PPP2R3B: variants seen among roughly 807,000 people sequenced by gnomAD.
PPP2R3B encodes serine/threonine-protein phosphatase 2A regulatory subunit B'' subunit beta.
PPP2R3B carries 68 observed loss-of-function variants against 72.9 expected under a neutral mutation model. The observed-to-expected ratio is 0.93, with a 90% confidence interval of 0.77 to 1.14. PPP2R3B has a LOEUF of 1.14. PPP2R3B is among the 50% of genes most tolerant of loss of function. The pLI, the probability that PPP2R3B is intolerant of heterozygous loss-of-function variation, is 0.00. For missense variants in PPP2R3B, 1,018 were observed against 842.0 expected (o/e 1.21, Z -2.59); for synonymous variants, 466 against 375.8 (o/e 1.24, Z -2.78).
intron 2 of PPP2R3B, among the ~76,000 whole-genome samples, chrX:355,968 C>T (rs1256176147): frequency 6.6e-6 from 1 of 152,162 alleles, no homozygotes; most frequent in Non-Finnish European, 1.5e-5. Flanking sequence ...TCCACACGCA[C>T]CATGCATCCC....
At chrX:353,892 CGGGGGCTCACCCAAAGACT>C (rs1163733390) in intron 2 of PPP2R3B, among the ~76,000 whole-genome samples, 18 of 109,282 alleles carry the variant, frequency 1.6e-4, no homozygotes, top group African/African-American at 6.3e-4. Flanking sequence ...ACCCAAAGAC[CGGGGGCTCACCCAAAGACT>C]GGGGCTCGCC....
At chrX:363,072 G>A (rs1476548787) in intron 1 of PPP2R3B, among the ~76,000 whole-genome samples, 3 of 152,188 alleles carry the variant, frequency 2.0e-5, no homozygotes, top group African/African-American at 7.2e-5. Context: ...AACAGAGGCC[G>A]CCTCCGTGAC....
chrX:336,488 G>A (rs180690192), intron 12 of PPP2R3B: 5,574 of 152,242 alleles, frequency 0.037, 129 homozygotes, highest in Non-Finnish European at 0.053. Context: ...CTCACTCAAG[G>A]CTGGCCGTGG....
intron 1 of PPP2R3B, among the ~76,000 whole-genome samples, chrX:383,385 G>A (rs1482819633): frequency 2.6e-5 from 4 of 152,050 alleles, no homozygotes; most frequent in Non-Finnish European, 4.4e-5. Flanking sequence ...TTTTCAAATG[G>A]TATAAACAAG....
intron 1 of PPP2R3B, among the ~76,000 whole-genome samples, chrX:383,837 CA>C (rs757960788): frequency 0.02 from 898 of 45,504 alleles, no homozygotes; most frequent in Non-Finnish European, 0.022. Flanking sequence ...GACTCCGTCT[CA>C]AAAAAAAAAA....
chrX:374,848 T>C (rs1308803649), intron 1 of PPP2R3B, among the ~76,000 whole-genome samples: 4 of 152,162 alleles, frequency 2.6e-5, no homozygotes, highest in Non-Finnish European at 4.4e-5. Context: ...GATCTACCAC[T>C]GTGGGGTCAC....
rs1482250911 is a variant in PPP2R3B, at chrX:340,789, C to A, written c.1327G>T (p.Asp443Tyr). The stretch of plus-strand genomic sequence containing the variant: ...CCTTCAGTCCTCGGCTTGACCAGGT[C>A]CAGCATCTGGCAGAGGCAGTCCTGG... ...PFQDCLCQML[D>Y]LVKPRTEGKI... is the part of the protein sequence containing the mutation. The change falls in exon 10 of 13, where the codon GAC becomes TAC. Residue 443 changes from aspartate to tyrosine, a missense_variant. By Grantham distance (160) the Asp-to-Tyr change is radical. Transcript: ENST00000390665. 9.3e-6 allele frequency: 15 copies of A among 1,611,462 alleles called. No individual in the cohort carries two copies. The highest frequency in any genetic ancestry group is 1.2e-5 in the Non-Finnish European group (14 of 1,179,468).
chrX:386,470 CG>C lies in PPP2R3B; in HGVS notation c.221del (p.Pro74ArgfsTer35). 2.3e-6 allele frequency: 3 copies of C among 1,288,860 alleles called. No individual in the cohort carries two copies. The highest frequency in any genetic ancestry group is 3.1e-5 in the South Asian group (1 of 31,920). 79.8% of individuals were successfully genotyped at this position (1,288,860 alleles called of 1,614,324 possible). On this transcript the variant is annotated frameshift_variant, in exon 1 of 13. Coordinates refer to ENST00000390665, the MANE Select transcript of PPP2R3B (RefSeq NM_013239.5). LOFTEE classifies it high-confidence loss of function. ...GCGCAGGGCCCGGCCCGGGGGTTCC[CG>C]GGGGTTCGAGCCCGCTGGGCCGGGG... is the stretch of plus-strand genomic sequence containing the variant. ...AAPRPSGLEPPGTPGPGPALP... is the reference protein window; with the variant it reads ...AAPRPSGLEPXGTPGPGPALP...
intron 1 of PPP2R3B, among the ~76,000 whole-genome samples, chrX:374,224 TC>T (rs924831839): frequency 1.0e-4 from 15 of 147,030 alleles, no homozygotes; most frequent in East Asian, 2.0e-4. Flanking sequence ...AGAAGTGAGG[TC>T]CCCCCCCTCC....
rs761660451 is a variant in PPP2R3B at position 341,654 on chromosome X, C to T, written c.1085+229G>A. 7.8e-5 allele frequency: 51 copies of T among 650,496 alleles called. No homozygotes were observed. In the African/African-American group the frequency reaches 8.4e-4, roughly 11 times the overall value. The allele number at this position is 650,496 out of a possible 1,614,324, so 40.3% of individuals were successfully genotyped here. A position where few individuals can be genotyped will look rare whatever the true frequency, so the allele number is the denominator to read the frequency against. On this transcript the variant is annotated intron_variant, in intron 8 of 12. Coordinates refer to ENST00000390665, the MANE Select transcript of PPP2R3B (RefSeq NM_013239.5). Reference sequence around the variant, plus strand: ...AGGCCCAGCGCCCGACAAGAACCCCCGACCTGGGGCCTGGGCCACCCCCTT... The same window carrying T: ...AGGCCCAGCGCCCGACAAGAACCCCTGACCTGGGGCCTGGGCCACCCCCTT...
chrX:342,066 C>T lies in PPP2R3B; in HGVS notation c.1037-135G>A, dbSNP rs531180606. ...CCTGGGTCTGGGAGAGCCCCGGGGCCCCGATGCCCCTGCACGGCCCATCCT... is the reference window on the plus strand; with the variant it reads ...CCTGGGTCTGGGAGAGCCCCGGGGCTCCGATGCCCCTGCACGGCCCATCCT... On this transcript the variant is annotated intron_variant, in intron 7 of 12. Coordinates refer to ENST00000390665, the MANE Select transcript of PPP2R3B (RefSeq NM_013239.5). The T allele has an allele frequency of 8.1e-4, 822 of 1,015,938 alleles. 10 individuals are homozygous for T. The South Asian group carries it at 0.01, about 13-fold the overall frequency. The allele number at this position is 1,015,938 out of a possible 1,614,324, so 62.9% of individuals were successfully genotyped here.
intron 10 of PPP2R3B, among the ~76,000 whole-genome samples, chrX:340,292 G>A (rs1358524618): frequency 6.7e-6 from 1 of 149,850 alleles, no homozygotes; most frequent in Admixed American, 6.6e-5. Context: ...CGTCCCCGGT[G>A]AGCTCCGGCC....
chrX:357,569 G>C (rs2071462256), intron 2 of PPP2R3B, among the ~76,000 whole-genome samples: 1 of 152,192 alleles, frequency 6.6e-6, no homozygotes. Flanking sequence ...AAGTGTCTAT[G>C]TATGATGCAG....
intron 1 of PPP2R3B, among the ~76,000 whole-genome samples, chrX:361,992 C>G (rs1220840017): frequency 1.1e-4 from 16 of 152,318 alleles, no homozygotes; most frequent in South Asian, 2.1e-4. Context: ...CCACGCACCC[C>G]AGACGCCTGA....
chrX:342,253 G>GT (rs2071096971), intron 7 of PPP2R3B: 3 of 522,530 alleles, frequency 5.7e-6, no homozygotes, highest in African/African-American at 3.8e-5. Flanking sequence ...GTGTGATCAC[G>GT]GAAACAAACA....
chrX:345,712 C>G, intron 6 of PPP2R3B, 40 bp from the exon 7 acceptor site: 1 of 1,344,080 alleles, frequency 7.4e-7, no homozygotes, highest in South Asian at 1.2e-5. Flanking sequence ...GGGGCCTCTG[C>G]GGGGATGCCC....
intron 1 of PPP2R3B, among the ~76,000 whole-genome samples, chrX:374,594 C>T (rs1324394539): frequency 6.6e-6 from 1 of 152,204 alleles, no homozygotes; most frequent in Non-Finnish European, 1.5e-5. Flanking sequence ...CTCGATCCCA[C>T]CGGGAAGGAG....
intron 8 of PPP2R3B, 75 bp from the exon 9 acceptor site, chrX:341,471 C>G: frequency 2.7e-6 from 4 of 1,507,638 alleles, no homozygotes; most frequent in East Asian, 2.3e-5. Context: ...CCCCTGTCCA[C>G]GCGCCTCGGT....
chrX:361,652 G>A lies in PPP2R3B; in HGVS notation c.325-62C>T, dbSNP rs186000832. 1.1e-3 allele frequency: 1,798 copies of A among 1,583,796 alleles called. 4 individuals are homozygous for A. Among genetic ancestry groups the A allele is most frequent in the South Asian group, 2.8e-3 (242 of 87,976 alleles). Reference sequence around the variant, plus strand: ...GGAGCATCGAACGCCTTCTTCACCCGGACAACACACGGGGCCTCTCTAGGG... The same window carrying A: ...GGAGCATCGAACGCCTTCTTCACCCAGACAACACACGGGGCCTCTCTAGGG... On this transcript the variant is annotated intron_variant, in intron 1 of 12. Coordinates refer to ENST00000390665, the MANE Select transcript of PPP2R3B (RefSeq NM_013239.5).
Sources: allele counts gnomAD v4.1 joint callset (sites outside exome capture counted in the v4.1 genomes callset), GRCh38; gene constraint gnomAD v4.1.1; transcripts MANE v1.5; gene names NCBI Gene and HGNC (gene_info 2026-07-23, HGNC 2026-07-21).